The following DDAH1 variants were observed in gnomAD, a reference collection of about 807,000 sequenced individuals.
DDAH1 encodes the protein dimethylarginine dimethylaminohydrolase 1, also known as N(G),N(G)-dimethylarginine dimethylaminohydrolase 1.
A neutral mutation model predicts 28.8 loss-of-function variants in DDAH1; 19 were observed. That is an observed-to-expected ratio of 0.66 (90% CI 0.46 to 0.97). The LOEUF (loss-of-function observed/expected upper bound fraction) is 0.97. Ranked by LOEUF, DDAH1 falls within the 50% of genes least tolerant of loss-of-function variation. The pLI is 0.00. For synonymous variants in DDAH1, 153 were observed against 154.4 expected (o/e 0.99, Z 0.07); for missense variants, 326 against 375.9 (o/e 0.87, Z 1.10).
At chr1:85,493,415 C>T (rs1233912854) in intron 2 of DDAH1, 1 of 152,080 alleles carries the variant, frequency 6.6e-6, no homozygotes, top group African/African-American at 2.4e-5. Context: ...ATCACCACAA[C>T]ATACTAATAT....
chr1:85,408,780 T>C (rs1041423284), intron 1 of DDAH1, among the ~76,000 whole-genome samples: 1 of 152,176 alleles, frequency 6.6e-6, no homozygotes, highest in East Asian at 1.9e-4. Flanking sequence ...ATGTATCCAA[T>C]AGCACCAGAG....
chr1:85,338,008 A>G (rs964029452), intron 4 of DDAH1, among the ~76,000 whole-genome samples: 1 of 152,174 alleles, frequency 6.6e-6, no homozygotes, highest in African/African-American at 2.4e-5. Context: ...TCTCTCTAAC[A>G]AGCTTCAGGG....
At chr1:85,338,431 G>C (rs143364956) in intron 4 of DDAH1, among the ~76,000 whole-genome samples, 1 of 152,152 alleles carries the variant, frequency 6.6e-6, no homozygotes, top group African/African-American at 2.4e-5. Context: ...AAAGTGCCAG[G>C]TATTTTACTC....
At chr1:85,448,867 T>C (rs954769361) in intron 1 of DDAH1, among the ~76,000 whole-genome samples, 1 of 152,222 alleles carries the variant, frequency 6.6e-6, no homozygotes, top group African/African-American at 2.4e-5. Flanking sequence ...AAAATTGGAC[T>C]AGATTCAGTT....
Position 85,464,578 on chromosome 1 carries a change from TCTGA to T in DDAH1, c.303+161_303+164del, listed in dbSNP as rs1033526072. 5.3e-6 allele frequency: 8 copies of T among 1,504,258 alleles called. No individual in the cohort carries two copies. The highest frequency in any genetic ancestry group is 7.1e-6 in the Non-Finnish European group (8 of 1,133,490). The allele number at this position is 1,504,258 out of a possible 1,614,324, so 93.2% of individuals were successfully genotyped here. A position where few individuals can be genotyped will look rare whatever the true frequency, so the allele number is the denominator to read the frequency against. Reference sequence around the variant, plus strand: ...GGGAGGTGTGAACAATGAACTTCTCTCTGACTCTCTGACACACACACACACACAC... The same window carrying T: ...GGGAGGTGTGAACAATGAACTTCTCTCTCTCTGACACACACACACACACAC... On this transcript the variant is annotated intron_variant, in intron 1 of 5. Transcript: ENST00000284031. This position sits in a 1 kb window ranked among gnomAD's most constrained non-coding sequence, Gnocchi z 4.4.
intron 1 of DDAH1, among the ~76,000 whole-genome samples, chr1:85,507,679 G>A (rs1657068529): frequency 6.6e-6 from 1 of 151,878 alleles, no homozygotes; most frequent in Admixed American, 6.6e-5. Context: ...TTCCCTAAAT[G>A]TTTCTAAAAG....
chr1:85,516,926 G>GAACT (rs1657496204), intron 1 of DDAH1, among the ~76,000 whole-genome samples: 1 of 152,194 alleles, frequency 6.6e-6, no homozygotes, highest in African/African-American at 2.4e-5. Context: ...AAATGCCAAG[G>GAACT]AACGTTATAG....
At chr1:85,365,270 T>C (rs1486537046) in intron 1 of DDAH1, among the ~76,000 whole-genome samples, 1 of 152,170 alleles carries the variant, frequency 6.6e-6, no homozygotes, top group South Asian at 2.1e-4. Flanking sequence ...AACCAACAAA[T>C]TTAGGTATCT....
rs774839426 is a variant in DDAH1, at chr1:85,351,628, T to C, written c.404-49A>G. On this transcript the variant is annotated intron_variant, in intron 2 of 5. Transcript: ENST00000284031. ...AGTGAGCAGGTGGCACCAGTGACTG[T>C]ACATCATTTCTTTTATCTATAAATA... The C allele has an allele frequency of 4.4e-6, 6 of 1,350,646 alleles. No individual in the cohort carries two copies. In the Admixed American group the frequency reaches 8.4e-5, roughly 19 times the overall value. 83.7% of individuals were successfully genotyped at this position (1,350,646 alleles called of 1,614,324 possible).
At chr1:85,357,412 A>G (rs1441353154) in intron 2 of DDAH1, among the ~76,000 whole-genome samples, 1 of 152,242 alleles carries the variant, frequency 6.6e-6, no homozygotes, top group East Asian at 1.9e-4. Flanking sequence ...CCATAGCGAC[A>G]GTATGTGACA....
chr1:85,365,886 A>ACC (rs1367616344), intron 1 of DDAH1, among the ~76,000 whole-genome samples: 2 of 152,176 alleles, frequency 1.3e-5, no homozygotes, highest in African/African-American at 4.8e-5. Context: ...ATCTACTTAG[A>ACC]TGACTTGAGT....
chr1:85,534,943 G>C (rs1257643847), intron 1 of DDAH1, among the ~76,000 whole-genome samples: 1 of 151,976 alleles, frequency 6.6e-6, no homozygotes, highest in Non-Finnish European at 1.5e-5. Context: ...GTGTATACAC[G>C]TGACCAAAAA....
At chr1:85,327,587 C>A (rs1233554470) in intron 4 of DDAH1, among the ~76,000 whole-genome samples, 1 of 152,196 alleles carries the variant, frequency 6.6e-6, no homozygotes, top group East Asian at 1.9e-4. Flanking sequence ...CAGGTCCAGG[C>A]ATAATGAGGT....
upstream of DDAH1, among the ~76,000 whole-genome samples, chr1:85,465,911 G>A (rs2100696625): frequency 6.6e-6 from 1 of 152,218 alleles, no homozygotes. Flanking sequence ...CATAGTATCC[G>A]GAAAATAAAC....
At position 85,400,177 on chromosome 1, in the gene DDAH1, C is replaced by CTTTTTTTTCTTTTTTT. The variant is rs1652003635; in HGVS notation, c.304-41331_304-41330insAAAAAAAGAAAAAAAA. On this transcript the variant is annotated intron_variant, in intron 1 of 5. Coordinates refer to ENST00000284031, the MANE Select transcript of DDAH1 (RefSeq NM_012137.4). ...TGCAGGAATTCCTTTCTTTTCTTTT[C>CTTTTTTTTCTTTTTTT]TTTTTTTTTTTTTTTTTTTTTTTTT... 1.1e-4 allele frequency among the ~76,000 whole-genome samples: 6 copies of CTTTTTTTTCTTTTTTT among 54,856 alleles called. 1 individual carries two copies. Among genetic ancestry groups the CTTTTTTTTCTTTTTTT allele is most frequent in the Admixed American group, 2.5e-4 (1 of 4,048 alleles). 36.0% of individuals were successfully genotyped at this position (54,856 alleles called of 152,430 possible).
chr1:85,571,801 T>C lies in DDAH1; in HGVS notation c.-123+6183A>G, dbSNP rs565627799. 6.0e-5 allele frequency among the ~76,000 whole-genome samples: 9 copies of C among 148,996 alleles called. No homozygotes were observed. In the East Asian group the frequency reaches 1.8e-3, roughly 29 times the overall value. ...CTGTTTATAAGCTTTTTTTTTTTTT[T>C]TTTTTTTTTTTGTCTTTTGAAAGCC... On this transcript the variant is annotated intron_variant, in intron 1 of 6. Coordinates refer to the DDAH1 transcript ENST00000426972.
At chr1:85,501,289 C>A (rs1028049140) in intron 1 of DDAH1, among the ~76,000 whole-genome samples, 1 of 152,126 alleles carries the variant, frequency 6.6e-6, no homozygotes, top group Non-Finnish European at 1.5e-5. Flanking sequence ...GCTAGAGTAG[C>A]CCTCCTCCTA....
intron 1 of DDAH1, among the ~76,000 whole-genome samples, chr1:85,405,174 A>G (rs902985377): frequency 6.6e-6 from 1 of 152,164 alleles, no homozygotes; most frequent in African/African-American, 2.4e-5. Flanking sequence ...CATGCTAGCA[A>G]TTCTCTTCAG....
chr1:85,456,104 A>G (rs1234886404), intron 1 of DDAH1, among the ~76,000 whole-genome samples: 1 of 151,926 alleles, frequency 6.6e-6, no homozygotes, highest in Non-Finnish European at 1.5e-5. Context: ...AGAAAAAAAA[A>G]AAATCCCTCA....
Sources: gnomAD v4.1 joint callset for allele counts (sites outside exome capture counted in the v4.1 genomes callset) on GRCh38, gnomAD v4.1.1 for gene constraint, Gnocchi (gnomAD v3.1) non-coding constraint, MANE v1.5 for transcripts, NCBI Gene and HGNC (gene_info 2026-07-23, HGNC 2026-07-21) for gene names.